The following TRAP1 variants were observed in gnomAD, a reference collection of about 807,000 sequenced individuals.
TRAP1 encodes heat shock protein 75 kDa, mitochondrial.
A neutral mutation model predicts 89.1 loss-of-function variants in TRAP1; 102 were observed. The observed-to-expected ratio is 1.15, with a 90% CI of 0.98 to 1.35. The LOEUF is 1.35. Ranked by LOEUF, TRAP1 falls within the 40% of genes most tolerant of loss-of-function variation. The probability of loss-of-function intolerance (pLI) is 0.00; values close to 1 mark genes in which losing one functional copy is unlikely to be tolerated. For missense variants in TRAP1, 1,256 were observed against 945.3 expected, an observed-to-expected ratio of 1.33 and a Z score of -4.31; for synonymous variants, 508 against 388.0, an observed-to-expected ratio of 1.31 and a Z score of -3.64.
intron 1 of TRAP1, among the ~76,000 whole-genome samples, chr16:3,702,661 C>A (rs578058022): frequency 6.6e-6 from 1 of 151,678 alleles, no homozygotes; most frequent in East Asian, 1.9e-4. Flanking sequence ...GGAAGGATCA[C>A]TTGAGACCAG....
At chr16:3,666,887 G>A (rs1011516901) in intron 11 of TRAP1, among the ~76,000 whole-genome samples, 2 of 152,162 alleles carry the variant, frequency 1.3e-5, no homozygotes, top group Non-Finnish European at 2.9e-5. Flanking sequence ...TGGGACTAGG[G>A]ATATTTTTAT....
intron 5 of TRAP1, among the ~76,000 whole-genome samples, chr16:3,679,091 G>A (rs1197563641): frequency 2.0e-5 from 3 of 151,988 alleles, no homozygotes; most frequent in Non-Finnish European, 4.4e-5. Context: ...GAGGCTGGAG[G>A]ATAGCCCGGC....
rs528485225 is a variant in TRAP1, at chr16:3,692,649, A to AGTGCAATG, written c.89-1672_89-1665dup. 3.3e-3 allele frequency among the ~76,000 whole-genome samples: 441 copies of AGTGCAATG among 133,526 alleles called. 4 individuals are homozygous for AGTGCAATG. The highest frequency in any genetic ancestry group is 0.012 in the African/African-American group (423 of 35,126). 87.6% of individuals were successfully genotyped at this position (133,526 alleles called of 152,430 possible). On this transcript the variant is annotated intron_variant, in intron 1 of 17. Transcript: ENST00000246957. ...GTCTCACTCTTGTTGCCCAGGCTGCAGTGCAATGGTGCAATCTCGGCTCAT... is the reference window on the plus strand; with the variant it reads ...GTCTCACTCTTGTTGCCCAGGCTGCAGTGCAATGGTGCAATGGTGCAATCTCGGCTCAT...
chr16:3,672,420 A>G (rs1383202929), intron 10 of TRAP1, among the ~76,000 whole-genome samples: 1 of 152,138 alleles, frequency 6.6e-6, no homozygotes, highest in Non-Finnish European at 1.5e-5. Context: ...ATCTCACTCA[A>G]ACGTAACACA....
At chr16:3,699,364 G>C (rs998635832) in intron 1 of TRAP1, among the ~76,000 whole-genome samples, 3 of 152,156 alleles carry the variant, frequency 2.0e-5, no homozygotes, top group African/African-American at 4.8e-5. Flanking sequence ...CTGGCCAGGC[G>C]CAGTGGCTCA....
intron 11 of TRAP1, among the ~76,000 whole-genome samples, chr16:3,670,438 T>C (rs1371921961): frequency 2.2e-5 from 3 of 135,132 alleles, no homozygotes; most frequent in Admixed American, 7.5e-5. Flanking sequence ...CAGTGGCTCA[T>C]GCCTGGAATC....
At position 3,676,152 on chromosome 16, in the gene TRAP1, C is replaced by T. The variant is rs1249675027; in HGVS notation, c.705-7G>A. ...GATTTCAAACACTCCAGAACTAAGGCAGGCAAAGAAAGGAAAAGCCAGGTG... is the reference window on the plus strand; with the variant it reads ...GATTTCAAACACTCCAGAACTAAGGTAGGCAAAGAAAGGAAAAGCCAGGTG... On this transcript the variant is annotated splice_region_variant and splice_polypyrimidine_tract_variant and intron_variant, in intron 6 of 17. Coordinates refer to ENST00000246957, the MANE Select transcript of TRAP1 (RefSeq NM_016292.3). 1 of 1,612,344 alleles carries T rather than the reference C, an allele frequency of 6.2e-7. No homozygotes were observed. The highest frequency in any genetic ancestry group is 1.7e-5 in the Admixed American group (1 of 59,686).
intron 11 of TRAP1, among the ~76,000 whole-genome samples, chr16:3,671,369 G>A (rs529969402): frequency 2.0e-5 from 3 of 152,230 alleles, no homozygotes; most frequent in Admixed American, 2.0e-4. Context: ...GATAGCTACT[G>A]ATGGAGAACC....
intron 1 of TRAP1, among the ~76,000 whole-genome samples, chr16:3,702,979 T>C (rs1387198616): frequency 7.1e-6 from 1 of 139,996 alleles, no homozygotes; most frequent in African/African-American, 2.8e-5. Context: ...GAGGTGGAGG[T>C]TGTGGTAAGC....
chr16:3,695,791 G>A (rs748530460), intron 1 of TRAP1, among the ~76,000 whole-genome samples: 7 of 152,124 alleles, frequency 4.6e-5, no homozygotes, highest in Non-Finnish European at 7.3e-5. Flanking sequence ...GGAGTCAGCA[G>A]GTCTGAGCCC....
intron 6 of TRAP1, chr16:3,676,437 A>C: frequency 4.5e-6 from 1 of 221,692 alleles, no homozygotes. Flanking sequence ...TTACCCCAAA[A>C]GCAGGCCTGG....
Position 3,658,043 on chromosome 16 carries a change from T to C in TRAP1, c.*86A>G. 6.2e-7 allele frequency: 1 copy of C among 1,608,110 alleles called. No homozygotes were observed. Among genetic ancestry groups the C allele is most frequent in the East Asian group, 2.2e-5 (1 of 44,720 alleles). ...AAAAAAGCCCAACACACACTCGGGT[T>C]AAGAAATACCTTTAAATTTAGGTAA... On this transcript the variant is annotated 3_prime_UTR_variant, in exon 18 of 18. Transcript: ENST00000246957.
intron 6 of TRAP1, chr16:3,676,582 G>A (rs143018702): frequency 0.017 from 2,687 of 155,488 alleles, 29 homozygotes; most frequent in Admixed American, 0.032. Flanking sequence ...GAATCCCCCG[G>A]CAGGGCCATG....
At chr16:3,700,565 A>T (rs1011893692) in intron 1 of TRAP1, among the ~76,000 whole-genome samples, 2 of 151,970 alleles carry the variant, frequency 1.3e-5, no homozygotes, top group African/African-American at 2.4e-5. Context: ...CTCCCAGTTC[A>T]AGCCATTCTC....
rs376064675 is a variant in TRAP1 at position 3,658,172 on chromosome 16, C to T, written c.2072G>A (p.Gly691Asp). Reference protein sequence around the residue: ...GLVDDPRAMVGRLNELLVKAL... With the variant: ...GLVDDPRAMVDRLNELLVKAL... ...CTTGACAAGCAGCTCATTCAAGCGG[C>T]CCACCATGGCCCTAGGGTCGTCAAC... Residue 691 changes from glycine (G) to aspartate (D), a missense_variant, in exon 18 of 18, where the codon GGC (glycine) becomes GAC (aspartate). Physicochemically the swap from Gly to Asp is moderately conservative, Grantham distance 94. Transcript: ENST00000246957. 3.1e-6 allele frequency: 5 copies of T among 1,613,964 alleles called. No homozygotes were observed. The highest frequency in any genetic ancestry group is 1.7e-5 in the Admixed American group (1 of 60,006).
intron 1 of TRAP1, among the ~76,000 whole-genome samples, chr16:3,692,676 G>C (rs2051231869): frequency 7.8e-6 from 1 of 129,024 alleles, no homozygotes; most frequent in Non-Finnish European, 1.6e-5. Flanking sequence ...TCGGCTCATT[G>C]CAACCTCCAC....
chr16:3,662,133 C>T lies in TRAP1; in HGVS notation c.1795-1G>A. 1.2e-6 allele frequency: 2 copies of T among 1,610,794 alleles called. No individual in the cohort carries two copies. Among genetic ancestry groups the T allele is most frequent in the Non-Finnish European group, 8.5e-7 (1 of 1,178,444 alleles). ...GGTGGGTGTCCAGTCGGAGGGTCACCTGTGAGCAAAGCCCGGGGTTGAGGG... is the reference window on the plus strand; with the variant it reads ...GGTGGGTGTCCAGTCGGAGGGTCACTTGTGAGCAAAGCCCGGGGTTGAGGG... On this transcript the variant is annotated splice_acceptor_variant, in intron 15 of 17. Coordinates refer to ENST00000246957, the MANE Select transcript of TRAP1 (RefSeq NM_016292.3). LOFTEE classifies it high-confidence loss of function.
At chr16:3,664,052 G>A (rs1056893330) in intron 13 of TRAP1, 3 of 509,668 alleles carry the variant, frequency 5.9e-6, no homozygotes, top group Non-Finnish European at 1.0e-5. Context: ...GAGAGAGCAA[G>A]ACTCCATCTC....
chr16:3,676,301 G>T (rs1717262001), intron 6 of TRAP1, 156 bp from the exon 7 acceptor site: 2 of 369,794 alleles, frequency 5.4e-6, no homozygotes. Flanking sequence ...CACCACTCAG[G>T]CCATCACATG....
Sources: allele counts gnomAD v4.1 joint callset (sites outside exome capture counted in the v4.1 genomes callset), GRCh38; gene constraint gnomAD v4.1.1; transcripts MANE v1.5; gene names NCBI Gene and HGNC (gene_info 2026-07-23, HGNC 2026-07-21).